NRG3: variants seen among roughly 807,000 people sequenced by gnomAD.
NRG3 encodes pro-neuregulin-3, membrane-bound isoform.
NRG3 carries 31 observed loss-of-function variants against 66.9 expected under a neutral mutation model. The observed-to-expected ratio is 0.46, with a 90% CI of 0.35 to 0.63. The LOEUF is 0.63. NRG3 is among the 20% of genes least tolerant of loss of function. NRG3 has a pLI of 0.00. For missense variants in NRG3, 910 were observed against 878.9 expected (o/e 1.04, Z -0.45); for synonymous variants, 393 against 359.4 (o/e 1.09, Z -1.06).
intron 1 of NRG3, among the ~76,000 whole-genome samples, chr10:82,287,800 G>A (rs1245209725): frequency 1.3e-5 from 2 of 152,154 alleles, no homozygotes; most frequent in South Asian, 2.1e-4. Flanking sequence ...CTTTGGTCCC[G>A]ACCTATATGG....
chr10:82,978,728 C>T (rs548980500), intron 7 of NRG3, among the ~76,000 whole-genome samples: 2 of 152,254 alleles, frequency 1.3e-5, no homozygotes, highest in East Asian at 3.9e-4. Flanking sequence ...GCCAGAAATC[C>T]AGGAACTTCC....
intron 2 of NRG3, among the ~76,000 whole-genome samples, chr10:82,491,316 A>ATATATATATATATATGTATAT (rs1389375279): frequency 1.5e-5 from 2 of 136,812 alleles, no homozygotes; most frequent in African/African-American, 2.6e-5. Flanking sequence ...ATATATATAT[A>ATATATATATATATATGTATAT]AAATAAAGAT....
chr10:82,340,825 C>G (rs2082648180), intron 1 of NRG3: 1 of 152,084 alleles, frequency 6.6e-6, no homozygotes, highest in Non-Finnish European at 1.5e-5. Flanking sequence ...AGAAAGTTGT[C>G]ATGGCCGTGC....
chr10:82,465,643 G>T (rs1156364950), intron 2 of NRG3, among the ~76,000 whole-genome samples: 1 of 152,100 alleles, frequency 6.6e-6, no homozygotes, highest in Non-Finnish European at 1.5e-5. Context: ...CAGGATCAAA[G>T]GGGAGCTTGA....
At chr10:82,739,791 T>C (rs2058331846) in intron 3 of NRG3, among the ~76,000 whole-genome samples, 1 of 152,198 alleles carries the variant, frequency 6.6e-6, no homozygotes, top group Non-Finnish European at 1.5e-5. Flanking sequence ...GGGATATCTC[T>C]ATTTCCTGAA....
intron 2 of NRG3, among the ~76,000 whole-genome samples, chr10:82,469,637 G>A (rs993857881): frequency 1.3e-5 from 2 of 152,200 alleles, no homozygotes; most frequent in African/African-American, 4.8e-5. Flanking sequence ...TGTGAAGGTG[G>A]AGAGCCAGCC....
At chr10:82,496,325 C>T (rs1266967230) in intron 2 of NRG3, among the ~76,000 whole-genome samples, 2 of 152,102 alleles carry the variant, frequency 1.3e-5, no homozygotes, top group Non-Finnish European at 2.9e-5. Context: ...TTTCATAAGC[C>T]TAGTAATAAC....
intron 2 of NRG3, among the ~76,000 whole-genome samples, chr10:82,652,955 G>A (rs753551533): frequency 3.3e-5 from 5 of 152,184 alleles, no homozygotes; most frequent in Admixed American, 6.5e-5. Flanking sequence ...CTCTAGGGTT[G>A]GAGTAGATAT....
intron 3 of NRG3, among the ~76,000 whole-genome samples, chr10:82,861,681 A>T (rs1209403701): frequency 6.6e-6 from 1 of 152,202 alleles, no homozygotes; most frequent in Non-Finnish European, 1.5e-5. Flanking sequence ...CCAGCAAAAC[A>T]GATGACAGGC....
intron 1 of NRG3, among the ~76,000 whole-genome samples, chr10:81,939,278 C>T (rs551381648): frequency 1.3e-5 from 2 of 151,954 alleles, no homozygotes; most frequent in South Asian, 4.2e-4. Context: ...GTAAAAATGG[C>T]CTCATAAAGT....
At chr10:82,080,652 G>A (rs1250185919) in intron 1 of NRG3, among the ~76,000 whole-genome samples, 1 of 152,054 alleles carries the variant, frequency 6.6e-6, no homozygotes, top group African/African-American at 2.4e-5. Context: ...CAGTGCATGA[G>A]GAAGACCAAT....
chr10:82,606,569 T>G (rs2047978036), intron 2 of NRG3, among the ~76,000 whole-genome samples: 1 of 152,168 alleles, frequency 6.6e-6, no homozygotes, highest in Non-Finnish European at 1.5e-5. Context: ...ATGTTCTTAC[T>G]GATTCCCTAC....
intron 2 of NRG3, among the ~76,000 whole-genome samples, chr10:82,398,610 T>C (rs755632547): frequency 9.2e-5 from 14 of 151,940 alleles, no homozygotes; most frequent in Non-Finnish European, 1.6e-4. Flanking sequence ...GTTTCCCCAG[T>C]TGAATTTAGG....
chr10:81,957,449 C>G (rs935307509), intron 1 of NRG3, among the ~76,000 whole-genome samples: 1 of 151,884 alleles, frequency 6.6e-6, no homozygotes, highest in African/African-American at 2.4e-5. Flanking sequence ...AGTCAGTGCT[C>G]CCACCCCCAC....
intron 1 of NRG3, among the ~76,000 whole-genome samples, chr10:82,090,796 G>A (rs183129392): frequency 4.7e-4 from 71 of 152,240 alleles, no homozygotes; most frequent in Non-Finnish European, 8.1e-4. Flanking sequence ...CAGAAATAAC[G>A]TTTGGTTTGG....
At chr10:82,758,816 G>A (rs1025630029) in intron 3 of NRG3, among the ~76,000 whole-genome samples, 1 of 151,262 alleles carries the variant, frequency 6.6e-6, no homozygotes, top group Non-Finnish European at 1.5e-5. Flanking sequence ...TATACAGAGA[G>A]ACATTTATAA....
intron 1 of NRG3, among the ~76,000 whole-genome samples, chr10:81,924,816 T>C (rs1161171500): frequency 6.6e-6 from 1 of 152,222 alleles, no homozygotes; most frequent in Non-Finnish European, 1.5e-5. Context: ...TGTGTACAGT[T>C]ACTGTTGTTT....
At chr10:82,870,231 T>C (rs943000179) in intron 4 of NRG3, among the ~76,000 whole-genome samples, 5 of 152,184 alleles carry the variant, frequency 3.3e-5, no homozygotes, top group Admixed American at 2.0e-4. Context: ...TTTGGAATAA[T>C]ACCTTTTGTA....
chr10:82,141,897 T>G (rs1434201038), intron 1 of NRG3, among the ~76,000 whole-genome samples: 1 of 152,150 alleles, frequency 6.6e-6, no homozygotes, highest in Non-Finnish European at 1.5e-5. Flanking sequence ...TACCTCCTCT[T>G]CCAGAGGTGC....
Sources: allele counts gnomAD v4.1 joint callset (sites outside exome capture counted in the v4.1 genomes callset), GRCh38; gene constraint gnomAD v4.1.1; transcripts MANE v1.5; gene names NCBI Gene and HGNC (gene_info 2026-07-23, HGNC 2026-07-21).